CFAP20DC: variants seen among roughly 807,000 people sequenced by gnomAD.
CFAP20DC encodes the protein protein CFAP20DC.
Under a neutral mutation model 101.7 loss-of-function variants are expected in CFAP20DC, and 84 were observed. The ratio of observed to expected loss-of-function variants is 0.83; its 90% CI spans 0.69 to 0.99. The LOEUF is 0.99. Among genes scored for constraint, CFAP20DC ranks in the 50% least tolerant of loss-of-function variants. The pLI, the probability that CFAP20DC is intolerant of heterozygous loss-of-function variation, is 0.00. For synonymous variants in CFAP20DC, 359 were observed against 351.2 expected, an observed-to-expected ratio of 1.02 and a Z score of -0.25; for missense variants, 1,007 against 970.3, an observed-to-expected ratio of 1.04 and a Z score of -0.50.
At chr3:58,855,226 A>T (rs1222480283) in intron 12 of CFAP20DC, among the ~76,000 whole-genome samples, 6 of 152,324 alleles carry the variant, frequency 3.9e-5, no homozygotes, top group Middle Eastern at 6.8e-3. Context: ...GCCAAAAAAC[A>T]CATGAAAAAA....
chr3:58,918,580 A>G (rs1468203203), intron 5 of CFAP20DC, among the ~76,000 whole-genome samples: 2 of 152,010 alleles, frequency 1.3e-5, no homozygotes, highest in Admixed American at 6.6e-5. Flanking sequence ...GAAGTCATTC[A>G]CTTTTAAAAT....
chr3:58,917,382 C>G (rs1387117304), intron 5 of CFAP20DC, among the ~76,000 whole-genome samples: 2 of 152,142 alleles, frequency 1.3e-5, no homozygotes, highest in Non-Finnish European at 2.9e-5. Flanking sequence ...TCTGCCATTA[C>G]TATAGAAAAG....
rs778281160 is a variant in CFAP20DC, at chr3:58,884,591, T to C, written c.669A>G (p.Gln223=). 1.9e-6 allele frequency: 3 copies of C among 1,614,046 alleles called. No individual in the cohort carries two copies. Among genetic ancestry groups the C allele is most frequent in the South Asian group, 1.1e-5 (1 of 91,076 alleles). Residue 223 remains glutamine, a synonymous_variant, in exon 7 of 17, where the codon CAA becomes CAG. Coordinates refer to ENST00000482387, the MANE Select transcript of CFAP20DC (RefSeq NM_001394063.1). ...GATGGCCTCCGAATTTTATTTCAGT[T>C]TGGCGAAGTTTAGTCATGTTTAGCA... ...TQLLNMTKLR[Q]TEIKFGGHPL... is the part of the protein sequence containing the mutation.
At chr3:59,036,058 T>C (rs970675988) in intron 4 of CFAP20DC, among the ~76,000 whole-genome samples, 9 of 152,192 alleles carry the variant, frequency 5.9e-5, no homozygotes, top group African/African-American at 1.7e-4. Context: ...TACCTCATGA[T>C]CTCAACAGAT....
At chr3:58,860,239 G>A (rs1008823914) in intron 12 of CFAP20DC, among the ~76,000 whole-genome samples, 1 of 151,054 alleles carries the variant, frequency 6.6e-6, no homozygotes, top group Non-Finnish European at 1.5e-5. Context: ...ATGTAGGGGT[G>A]AGTGTTTATA....
At position 58,861,244 on chromosome 3, in the gene CFAP20DC, C is replaced by T. The variant is rs1438166768; in HGVS notation, c.1593+2314G>A. The stretch of plus-strand genomic sequence containing the variant: ...TCAATGGGCTAACATCAAATAAAGT[C>T]TTTTAATTACACTTTATAAACTTCA... On this transcript the variant is annotated intron_variant, in intron 12 of 16. Transcript: ENST00000482387. The surrounding 1 kb of genome is among the most constrained non-coding windows in gnomAD (Gnocchi z 4.0). 3.9e-6 allele frequency: 2 copies of T among 517,254 alleles called. No individual in the cohort carries two copies. The highest frequency in any genetic ancestry group is 5.0e-6 in the Non-Finnish European group (2 of 402,432). The allele number at this position is 517,254 out of a possible 1,614,324, so 32.0% of individuals were successfully genotyped here.
intron 13 of CFAP20DC, among the ~76,000 whole-genome samples, chr3:58,833,581 C>A (rs1437971866): frequency 6.6e-6 from 1 of 152,014 alleles, no homozygotes; most frequent in African/African-American, 2.4e-5. Flanking sequence ...CACGTATTGG[C>A]AAGGATGTGG....
intron 14 of CFAP20DC, among the ~76,000 whole-genome samples, chr3:58,818,112 G>C (rs577043632): frequency 2.7e-5 from 4 of 149,986 alleles, no homozygotes; most frequent in African/African-American, 7.4e-5. Flanking sequence ...TCACCACCAG[G>C]CCTGCCCTAA....
chr3:58,838,864 C>T (rs972340776), intron 13 of CFAP20DC, among the ~76,000 whole-genome samples: 4 of 152,120 alleles, frequency 2.6e-5, no homozygotes, highest in African/African-American at 4.8e-5. Flanking sequence ...AAAATCTAAT[C>T]GAATAGGTTT....
At position 59,023,166 on chromosome 3, in the gene CFAP20DC, T is replaced by TG. The variant is rs567896154; in HGVS notation, c.278+16390_278+16391insC. Reference sequence around the variant, plus strand: ...TGCTTTCTACTCTCTTGTTTTTTTTTTTTGTTTGTTTTCCTGTCTTTTTCT... The same window carrying TG: ...TGCTTTCTACTCTCTTGTTTTTTTTTGTTTGTTTGTTTTCCTGTCTTTTTCT... On this transcript the variant is annotated intron_variant, in intron 4 of 16. Transcript: ENST00000482387. Among the ~76,000 whole-genome samples, 96 of 151,966 alleles carry TG rather than the reference T, an allele frequency of 6.3e-4. 1 individual carries two copies. Among genetic ancestry groups the TG allele is most frequent in the African/African-American group, 1.9e-3 (78 of 41,496 alleles).
chr3:59,004,377 A>G (rs2093383342), intron 4 of CFAP20DC, among the ~76,000 whole-genome samples: 1 of 152,206 alleles, frequency 6.6e-6, no homozygotes, highest in African/African-American at 2.4e-5. Context: ...TAAAATATAA[A>G]GTGACATACT....
In CFAP20DC at chr3:59,049,693, C is replaced by A; in HGVS notation, c.-62G>T. On this transcript the variant is annotated 5_prime_UTR_variant, in exon 1 of 17. Coordinates refer to ENST00000482387, the MANE Select transcript of CFAP20DC (RefSeq NM_001394063.1). ...TCAGGGTTTCCAGCGAGTGGCGTGA[C>A]CCTGACGGCTGGAAATCGGCTGGCG... 2 of 1,522,546 alleles carry A rather than the reference C, an allele frequency of 1.3e-6. No homozygotes were observed. The highest frequency in any genetic ancestry group is 1.8e-6 in the Non-Finnish European group (2 of 1,139,488). 94.3% of individuals were successfully genotyped at this position (1,522,546 alleles called of 1,614,324 possible).
intron 5 of CFAP20DC, among the ~76,000 whole-genome samples, chr3:58,923,108 T>C (rs917097430): frequency 1.3e-5 from 2 of 152,154 alleles, no homozygotes; most frequent in African/African-American, 2.4e-5. Context: ...GGTTTCGCCA[T>C]GCTGCCCAGG....
At position 59,014,965 on chromosome 3, in the gene CFAP20DC, C is replaced by T. The variant is rs534814966; in HGVS notation, c.278+24592G>A. ...CAGAAACTAGCAAGTACTAAGTAAG[C>T]ATCAGGACCCTCAATACTCCATTAC... On this transcript the variant is annotated intron_variant, in intron 4 of 16. Coordinates refer to ENST00000482387, the MANE Select transcript of CFAP20DC (RefSeq NM_001394063.1). This position sits in a 1 kb window ranked among gnomAD's most constrained non-coding sequence, Gnocchi z 4.9. Among the ~76,000 whole-genome samples the T allele has an allele frequency of 6.6e-6, 1 of 152,214 alleles. No individual in the cohort carries two copies. The highest frequency in any genetic ancestry group is 2.1e-4 in the South Asian group (1 of 4,818).
rs2067493571 is a variant in CFAP20DC at position 58,722,956 on chromosome 3, A to G, written c.198-5328T>C. ...ATGCAGCTGCCACATTCATGAGCAC[A>G]TGATCAGGTTTCTCAAACAGTCGAA... is the stretch of plus-strand genomic sequence containing the variant. On this transcript the variant is annotated intron_variant, in intron 3 of 3. Transcript: ENST00000486145. The surrounding 1 kb of genome is among the most constrained non-coding windows in gnomAD (Gnocchi z 4.5). Among the ~76,000 whole-genome samples the G allele has an allele frequency of 6.6e-6, 1 of 152,270 alleles. No homozygotes were observed. The highest frequency in any genetic ancestry group is 6.5e-5 in the Admixed American group (1 of 15,292).
At chr3:58,781,376 T>C (rs566388533) in intron 15 of CFAP20DC, among the ~76,000 whole-genome samples, 1 of 151,978 alleles carries the variant, frequency 6.6e-6, no homozygotes, top group Non-Finnish European at 1.5e-5. Context: ...AATCTAATGA[T>C]GCACTTTTAG....
chr3:58,938,173 G>A (rs2087974834), intron 4 of CFAP20DC, among the ~76,000 whole-genome samples: 1 of 152,140 alleles, frequency 6.6e-6, no homozygotes, highest in Admixed American at 6.6e-5. Context: ...CCCTAAAAAT[G>A]CATCTGTCAT....
At chr3:58,976,010 C>T (rs1378974542) in intron 4 of CFAP20DC, among the ~76,000 whole-genome samples, 3 of 152,206 alleles carry the variant, frequency 2.0e-5, no homozygotes, top group Non-Finnish European at 4.4e-5. Flanking sequence ...GGTAATGCTA[C>T]ACCTCAAAGC....
rs558804757 is a variant in CFAP20DC at position 59,009,344 on chromosome 3, A to C, written c.278+30213T>G. On this transcript the variant is annotated intron_variant, in intron 4 of 16. Transcript: ENST00000482387. The stretch of plus-strand genomic sequence containing the variant: ...GAAGTAGAAATCTCTGAATTGCCAG[A>C]TAAAAAATTCAGAAGGTTGATTATT... Among the ~76,000 whole-genome samples, 29 of 152,282 alleles carry C rather than the reference A, an allele frequency of 1.9e-4. No individual in the cohort carries two copies. In the East Asian group the frequency reaches 5.2e-3, roughly 27 times the overall value.
Sources: gnomAD v4.1 joint callset for allele counts (sites outside exome capture counted in the v4.1 genomes callset) on GRCh38, gnomAD v4.1.1 for gene constraint, Gnocchi (gnomAD v3.1) non-coding constraint, MANE v1.5 for transcripts, NCBI Gene and HGNC (gene_info 2026-07-23, HGNC 2026-07-21) for gene names.